PTPN2: variants seen among roughly 807,000 people sequenced by gnomAD.
PTPN2 encodes tyrosine-protein phosphatase non-receptor type 2.
PTPN2 carries 19 observed loss-of-function variants against 57.3 expected under a neutral mutation model. That is an observed-to-expected ratio of 0.33 (90% CI 0.23 to 0.49). PTPN2 has a LOEUF of 0.49. Among genes scored for constraint, PTPN2 ranks in the 20% least tolerant of loss-of-function variants. The pLI, the probability that PTPN2 is intolerant of heterozygous loss-of-function variation, is 0.99. For synonymous variants in PTPN2, 153 were observed against 164.9 expected, an observed-to-expected ratio of 0.93 and a Z score of 0.55; for missense variants, 358 against 501.1, an observed-to-expected ratio of 0.71 and a Z score of 2.73.
chr18:12,866,755 T>A (rs2044007466), intron 1 of PTPN2, among the ~76,000 whole-genome samples: 1 of 151,962 alleles, frequency 6.6e-6, no homozygotes. Flanking sequence ...ATGCCTGTAA[T>A]CCCAGCACTT....
chr18:12,873,686 G>A (rs571230626), intron 1 of PTPN2, among the ~76,000 whole-genome samples: 23 of 146,348 alleles, frequency 1.6e-4, no homozygotes, highest in Admixed American at 1.5e-3. Context: ...AGTGCCCAGA[G>A]TGCAGCCTCT....
At chr18:12,811,226 T>C (rs2041878649) in intron 7 of PTPN2, among the ~76,000 whole-genome samples, 1 of 152,280 alleles carries the variant, frequency 6.6e-6, no homozygotes, top group Admixed American at 6.5e-5. Flanking sequence ...GGGTTGACTA[T>C]GCTGTGACCC....
At chr18:12,879,214 C>T (rs2044589813) in intron 1 of PTPN2, among the ~76,000 whole-genome samples, 1 of 152,194 alleles carries the variant, frequency 6.6e-6, no homozygotes, top group Admixed American at 6.5e-5. Flanking sequence ...TTATGGCTCA[C>T]TGCAGCCCTA....
intron 8 of PTPN2, among the ~76,000 whole-genome samples, chr18:12,799,646 AT>A (rs1303110824): frequency 1.3e-5 from 2 of 148,598 alleles, no homozygotes; most frequent in Non-Finnish European, 3.0e-5. Flanking sequence ...GTGCAGTGTT[AT>A]GATCTCGGCT....
rs2041452805 is a variant in PTPN2 at position 12,802,081 on chromosome 18, G to C, written c.929C>G (p.Thr310Ser). 2 of 1,612,274 alleles carry C rather than the reference G, an allele frequency of 1.2e-6. No individual in the cohort carries two copies. The highest frequency in any genetic ancestry group is 1.3e-5 in the African/African-American group (1 of 74,822). The change falls in exon 8 of 9, where the codon ACT becomes AGT. Residue 310 changes from threonine (T) to serine (S), a missense_variant. By Grantham distance (58) the Thr-to-Ser change is moderately conservative. Coordinates refer to ENST00000309660, the MANE Select transcript of PTPN2 (RefSeq NM_002828.4). ...TATTCTGTTCCCATTGTATTTTTCA[G>C]TCATTATTTTGTTTGGTGAATGATC... ...AFDHSPNKIM[T>S]EKYNGNRIGL...
intron 6 of PTPN2, among the ~76,000 whole-genome samples, chr18:12,815,715 A>C (rs1194833847): frequency 6.6e-6 from 1 of 152,266 alleles, no homozygotes; most frequent in Non-Finnish European, 1.5e-5. Flanking sequence ...AAAGTAATAC[A>C]GATGTTTAGT....
At chr18:12,813,054 A>G (rs1358415017) in intron 7 of PTPN2, among the ~76,000 whole-genome samples, 1 of 152,062 alleles carries the variant, frequency 6.6e-6, no homozygotes, top group Non-Finnish European at 1.5e-5. Context: ...GGAAAGACAC[A>G]ATCCAAAGGA....
At chr18:12,823,680 A>T (rs1019974121) in intron 5 of PTPN2, among the ~76,000 whole-genome samples, 1 of 152,192 alleles carries the variant, frequency 6.6e-6, no homozygotes, top group Non-Finnish European at 1.5e-5. Flanking sequence ...GTCTTAAAAA[A>T]TAGGGGACCA....
chr18:12,807,586 A>AAAAAAATATAT, intron 7 of PTPN2, among the ~76,000 whole-genome samples: 3 of 35,198 alleles, frequency 8.5e-5, no homozygotes, highest in Non-Finnish European at 1.2e-4. Context: ...AAAAAAAAAA[A>AAAAAAATATAT]ATATATATAT....
At chr18:12,789,379 A>G (rs2040922859), downstream of PTPN2, among the ~76,000 whole-genome samples, 2 of 152,230 alleles carry the variant, frequency 1.3e-5, no homozygotes, top group Admixed American at 6.5e-5. Context: ...GTGGTTTTTA[A>G]ATCGTGAAAA....
intron 7 of PTPN2, among the ~76,000 whole-genome samples, chr18:12,807,582 A>ATATATAT (rs764663687): frequency 2.3e-4 from 14 of 61,492 alleles, no homozygotes; most frequent in African/African-American, 6.1e-4. Flanking sequence ...AAAAAAAAAA[A>ATATATAT]AAAAATATAT....
chr18:12,868,907 T>G (rs1173854404), intron 1 of PTPN2: 1 of 152,050 alleles, frequency 6.6e-6, no homozygotes, highest in Non-Finnish European at 1.5e-5. Context: ...CCCAACACTT[T>G]GCGGGGCCCA....
Position 12,797,706 on chromosome 18 carries a change from C to T in PTPN2, c.1041-3221G>A, listed in dbSNP as rs551559063. ...TAATGACTTGCCAAATGGGACCTGC[C>T]CAGGTTTTCCCGTATATTTATGCAA... On this transcript the variant is annotated intron_variant, in intron 8 of 8. Transcript: ENST00000309660. Among the ~76,000 whole-genome samples the T allele has an allele frequency of 4.1e-4, 63 of 152,182 alleles. 1 individual carries two copies. Among genetic ancestry groups the T allele is most frequent in the South Asian group, 2.1e-3 (10 of 4,816 alleles).
At chr18:12,878,366 G>GAAAGAA (rs1265908329) in intron 1 of PTPN2, among the ~76,000 whole-genome samples, 1 of 151,824 alleles carries the variant, frequency 6.6e-6, no homozygotes, top group East Asian at 1.9e-4. Flanking sequence ...AGGAAAAAAA[G>GAAAGAA]AAAGAAAAAG....
chr18:12,835,656 G>A (rs1004973942), intron 3 of PTPN2, among the ~76,000 whole-genome samples: 7 of 152,134 alleles, frequency 4.6e-5, no homozygotes, highest in Non-Finnish European at 1.0e-4. Flanking sequence ...GATTACAGGT[G>A]TGAGCCTCCG....
intron 7 of PTPN2, among the ~76,000 whole-genome samples, chr18:12,807,788 C>T (rs932107562): frequency 3.3e-5 from 5 of 151,486 alleles, no homozygotes; most frequent in African/African-American, 4.8e-5. Context: ...CTGGAGGCTT[C>T]GCAGAGTAGG....
intron 8 of PTPN2, among the ~76,000 whole-genome samples, chr18:12,799,806 T>C (rs1389074621): frequency 6.6e-6 from 1 of 152,194 alleles, no homozygotes; most frequent in East Asian, 1.9e-4. Flanking sequence ...AATTTTTGTA[T>C]TTTCAGCAGA....
At position 12,793,768 on chromosome 18, in the gene PTPN2, T is replaced by C. The variant is rs2041060101; in HGVS notation, c.*510A>G. On this transcript the variant is annotated 3_prime_UTR_variant, in exon 9 of 9. Coordinates refer to ENST00000309660, the MANE Select transcript of PTPN2 (RefSeq NM_002828.4). ...GTACAGTTAACTACAAAAGATTAAA[T>C]AGATACTTATAAAATATATTTACCC... 2 of 935,006 alleles carry C rather than the reference T, an allele frequency of 2.1e-6. No individual in the cohort carries two copies. Among genetic ancestry groups the C allele is most frequent in the African/African-American group, 3.6e-5 (2 of 55,886 alleles). The allele number at this position is 935,006 out of a possible 1,614,324, so 57.9% of individuals were successfully genotyped here.
intron 2 of PTPN2, among the ~76,000 whole-genome samples, chr18:12,840,009 A>C (rs999902380): frequency 4.6e-5 from 7 of 152,264 alleles, no homozygotes; most frequent in African/African-American, 1.7e-4. Flanking sequence ...CTCCTTTTGG[A>C]AAGTTTTCCA....
Sources: allele counts gnomAD v4.1 joint callset (sites outside exome capture counted in the v4.1 genomes callset), GRCh38; gene constraint gnomAD v4.1.1; transcripts MANE v1.5; gene names NCBI Gene and HGNC (gene_info 2026-07-23, HGNC 2026-07-21).